VCAM1: variants seen among roughly 807,000 people sequenced by gnomAD.
VCAM1 encodes vascular cell adhesion molecule 1.
Under a neutral mutation model 63.8 loss-of-function variants are expected in VCAM1, and 41 were observed. That is an observed-to-expected ratio of 0.64 (90% CI 0.50 to 0.83). VCAM1 has a LOEUF of 0.83. VCAM1 is among the 40% of genes least tolerant of loss of function. VCAM1 has a pLI of 0.00. For missense variants in VCAM1, 798 were observed against 875.5 expected, an observed-to-expected ratio of 0.91 and a Z score of 1.12; for synonymous variants, 338 against 320.7, an observed-to-expected ratio of 1.05 and a Z score of -0.58.
chr1:100,723,792 T>A (rs565050509), intron 3 of VCAM1, among the ~76,000 whole-genome samples: 2 of 152,180 alleles, frequency 1.3e-5, no homozygotes, highest in South Asian at 2.1e-4. Flanking sequence ...TGCACATACA[T>A]ACATAGGTGC....
chr1:100,738,064 T>C, intron 8 of VCAM1, 59 bp from the exon 9 acceptor site: 1 of 1,554,682 alleles, frequency 6.4e-7, no homozygotes. Flanking sequence ...GTAACTGTTG[T>C]TATTAAATGC....
At chr1:100,721,225 A>G (rs2100822327) in intron 2 of VCAM1, among the ~76,000 whole-genome samples, 1 of 152,238 alleles carries the variant, frequency 6.6e-6, no homozygotes. Flanking sequence ...GTATTAGTAT[A>G]AAAGTGTTCT....
Position 100,732,533 on chromosome 1 carries a change from C to G in VCAM1, c.1641C>G (p.Ser547Arg), listed in dbSNP as rs1452818900. The change falls in exon 7 of 9, where the codon AGC (serine) becomes AGG (arginine). Residue 547 changes from serine (S) to arginine (R), a missense_variant. Physicochemically the swap from Ser to Arg is moderately radical, Grantham distance 110. Coordinates refer to ENST00000294728, the MANE Select transcript of VCAM1 (RefSeq NM_001078.4). Reference sequence around the variant, plus strand: ...TTCCTGCTCCGAAAATCCTGTGGAGCAGGCAGCTCCCTAACGGGGAGCTAC... The same window carrying G: ...TTCCTGCTCCGAAAATCCTGTGGAGGAGGCAGCTCCCTAACGGGGAGCTAC... Reference protein sequence around the residue: ...QGFPAPKILWSRQLPNGELQP... With the variant: ...QGFPAPKILWRRQLPNGELQP... 1.9e-6 allele frequency: 3 copies of G among 1,612,686 alleles called. No individual in the cohort carries two copies. The highest frequency in any genetic ancestry group is 2.5e-6 in the Non-Finnish European group (3 of 1,179,588).
At position 100,729,114 on chromosome 1, in the gene VCAM1, A is replaced by T. The variant is rs1027696817; in HGVS notation, c.936A>T (p.Pro312=). 1 of 1,533,912 alleles carries T rather than the reference A, an allele frequency of 6.5e-7. No homozygotes were observed. Among genetic ancestry groups the T allele is most frequent in the African/African-American group, 1.4e-5 (1 of 72,284 alleles). ...TTTCCACCTGTGTCCCAGAGAAACC[A>T]TTTACTGTTGAGATCTCCCCTGGAC... is the stretch of plus-strand genomic sequence containing the variant. ...KEVELIVQEK[P]FTVEISPGPR... The change falls in exon 5 of 9, where the codon CCA becomes CCT. Residue 312 remains proline, a synonymous_variant. Coordinates refer to ENST00000294728, the MANE Select transcript of VCAM1 (RefSeq NM_001078.4).
chr1:100,737,475 T>A (rs1462909136), intron 8 of VCAM1: 1 of 152,112 alleles, frequency 6.6e-6, no homozygotes, highest in Non-Finnish European at 1.5e-5. Context: ...TAAGAAACAT[T>A]TAAGCTGTAA....
Position 100,731,198 on chromosome 1 carries a change from C to A in VCAM1, c.1205C>A (p.Ser402Ter). ...AATCGTTTTTGCTTGCGATTTGCAG[C>A]ATTCCCTAGAGATCCAGAAATCGAG... ...LEKGIQVELYSFPRDPEIEMS... is the reference protein window; with the variant it reads ...LEKGIQVELY Residue 402 changes from serine (S) to a stop codon, truncating the protein, a stop_gained and splice_region_variant, in exon 6 of 9, where the codon TCA becomes TAA. Coordinates refer to ENST00000294728, the MANE Select transcript of VCAM1 (RefSeq NM_001078.4). LOFTEE classifies it high-confidence loss of function. This position sits in a 1 kb window ranked among gnomAD's most constrained non-coding sequence, Gnocchi z 4.2. The A allele has an allele frequency of 6.3e-7, 1 of 1,578,798 alleles. No homozygotes were observed. The highest frequency in any genetic ancestry group is 1.2e-5 in the South Asian group (1 of 85,640).
intron 4 of VCAM1, among the ~76,000 whole-genome samples, chr1:100,726,005 C>G (rs547598045): frequency 4.6e-5 from 7 of 152,092 alleles, no homozygotes; most frequent in African/African-American, 1.7e-4. Flanking sequence ...ACAACTTACT[C>G]TCCTGTCTAA....
chr1:100,733,534 A>G (rs1660540530), intron 7 of VCAM1, among the ~76,000 whole-genome samples: 2 of 152,204 alleles, frequency 1.3e-5, no homozygotes, highest in Non-Finnish European at 2.9e-5. Context: ...AACCTTTTGG[A>G]TGGTTGTCAT....
chr1:100,727,622 C>T (rs1301726178), intron 4 of VCAM1, among the ~76,000 whole-genome samples: 1 of 152,040 alleles, frequency 6.6e-6, no homozygotes, highest in Non-Finnish European at 1.5e-5. Flanking sequence ...GAGAAACCTT[C>T]AGCTACCTAA....
chr1:100,723,648 G>C (rs1391860131), intron 3 of VCAM1, among the ~76,000 whole-genome samples: 2 of 151,974 alleles, frequency 1.3e-5, no homozygotes. Context: ...TGGGAAATAG[G>C]CTCAAATGAT....
At chr1:100,727,876 T>C (rs1477004963) in intron 4 of VCAM1, among the ~76,000 whole-genome samples, 1 of 152,102 alleles carries the variant, frequency 6.6e-6, no homozygotes, top group Non-Finnish European at 1.5e-5. Context: ...ATGTCATAAT[T>C]AGACAAACCT....
chr1:100,732,035 G>A (rs1660480521), intron 6 of VCAM1, among the ~76,000 whole-genome samples: 1 of 152,174 alleles, frequency 6.6e-6, no homozygotes, highest in African/African-American at 2.4e-5. Context: ...TGGTCAAAGT[G>A]AGTCATGAGG....
Position 100,727,043 on chromosome 1 carries a change from C to CTGTGTGTGTGTGTG in VCAM1, c.929-2041_929-2028dup, listed in dbSNP as rs57979614. Among the ~76,000 whole-genome samples, 556 of 147,794 alleles carry CTGTGTGTGTGTGTG rather than the reference C, an allele frequency of 3.8e-3. 2 individuals carry two copies. Among genetic ancestry groups the CTGTGTGTGTGTGTG allele is most frequent in the African/African-American group, 6.3e-3 (251 of 40,076 alleles). On this transcript the variant is annotated intron_variant, in intron 4 of 8. Coordinates refer to ENST00000294728, the MANE Select transcript of VCAM1 (RefSeq NM_001078.4). ...TGTAAACTCCTTAAAATCAGGAATT[C>CTGTGTGTGTGTGTG]TGTGTGTGTGTGTGTGTGTGTGTGT... is the stretch of plus-strand genomic sequence containing the variant.
At chr1:100,737,942 A>T in intron 8 of VCAM1, 181 bp from the exon 9 acceptor site, 1 of 604,496 alleles carries the variant, frequency 1.7e-6, no homozygotes. Flanking sequence ...AGCAACCACC[A>T]ACTGATTATT....
At chr1:100,723,388 G>A (rs749626834) in intron 3 of VCAM1, 48 bp downstream of exon 3, 2 of 1,573,384 alleles carry the variant, frequency 1.3e-6, no homozygotes, top group South Asian at 1.2e-5. Flanking sequence ...ATCCCACCTT[G>A]GTTGTGTATA....
chr1:100,738,053 T>A lies in VCAM1; in HGVS notation c.2060-70T>A, dbSNP rs553765257. 1.0e-4 allele frequency: 154 copies of A among 1,512,820 alleles called. 1 individual carries two copies. In the African/African-American group the frequency reaches 1.9e-3, roughly 19 times the overall value. The allele number at this position is 1,512,820 out of a possible 1,614,324, so 93.7% of individuals were successfully genotyped here. A position where few individuals can be genotyped will look rare whatever the true frequency, so the allele number is the denominator to read the frequency against. On this transcript the variant is annotated intron_variant, in intron 8 of 8. Transcript: ENST00000294728. The stretch of plus-strand genomic sequence containing the variant: ...ACTAGTTGTACTGTTATAATAAACA[T>A]GTAACTGTTGTTATTAAATGCTATC...
intron 2 of VCAM1, 134 bp downstream of exon 2, chr1:100,720,885 G>C: frequency 1.8e-6 from 2 of 1,108,200 alleles, no homozygotes; most frequent in Non-Finnish European, 2.5e-6. Context: ...ACAACATCAG[G>C]AAAGCTAGGG....
rs1660462402 is a variant in VCAM1 at position 100,731,685 on chromosome 1, T to C, written c.1525+167T>C. ...TGTAACAAATCACCCTCCCTAAACT[T>C]AAAATAGTAACTATTTACTGGCTTA... On this transcript the variant is annotated intron_variant, in intron 6 of 8. Coordinates refer to ENST00000294728, the MANE Select transcript of VCAM1 (RefSeq NM_001078.4). This position sits in a 1 kb window ranked among gnomAD's most constrained non-coding sequence, Gnocchi z 4.2. 6.6e-6 allele frequency among the ~76,000 whole-genome samples: 1 copy of C among 152,192 alleles called. No individual in the cohort carries two copies. The highest frequency in any genetic ancestry group is 6.5e-5 in the Admixed American group (1 of 15,272).
intron 8 of VCAM1, chr1:100,736,323 G>A (rs1660647066): frequency 6.6e-6 from 1 of 152,104 alleles, no homozygotes; most frequent in Admixed American, 6.5e-5. Context: ...TTTTAATGAA[G>A]ACCAAAAAAT....
Sources: gnomAD v4.1 joint callset for allele counts (sites outside exome capture counted in the v4.1 genomes callset) on GRCh38, gnomAD v4.1.1 for gene constraint, Gnocchi (gnomAD v3.1) non-coding constraint, MANE v1.5 for transcripts, NCBI Gene and HGNC (gene_info 2026-07-23, HGNC 2026-07-21) for gene names.